Variants in PRKAB2 observed in about 807,000 individuals in gnomAD.
The protein encoded by PRKAB2 is protein kinase AMP-activated non-catalytic subunit beta 2.
A neutral mutation model predicts 29.8 loss-of-function variants in PRKAB2; 18 were observed. The ratio of observed to expected loss-of-function variants is 0.60; its 90% CI spans 0.42 to 0.89. PRKAB2 has a LOEUF of 0.89. PRKAB2 is among the 40% of genes least tolerant of loss of function. The probability of loss-of-function intolerance (pLI) is 0.00; values close to 1 mark genes in which losing one functional copy is unlikely to be tolerated. For synonymous variants in PRKAB2, 136 were observed against 125.9 expected (o/e 1.08, Z -0.54); for missense variants, 270 against 344.3 (o/e 0.78, Z 1.71).
In PRKAB2 at chr1:147,169,138, T is replaced by A. The variant is rs140662605; in HGVS notation, c.157-1205A>T. Among the ~76,000 whole-genome samples, 343 of 152,342 alleles carry A rather than the reference T, an allele frequency of 2.3e-3. 1 individual carries two copies. The highest frequency in any genetic ancestry group is 4.0e-3 in the Non-Finnish European group (269 of 68,034). On this transcript the variant is annotated intron_variant, in intron 2 of 7. Transcript: ENST00000254101. ...TTTAAGTGACTTTGGTAAATAAGAC[T>A]GTATAGTATTAAGCCTAAATATTAC...
rs782234599 is a variant in PRKAB2, at chr1:147,159,671, A to G, written c.742-29T>C. 4.4e-6 allele frequency: 7 copies of G among 1,596,658 alleles called. 1 individual carries two copies. Among genetic ancestry groups the G allele is most frequent in the South Asian group, 3.3e-5 (3 of 90,152 alleles). ...CAAGGAAAAGAAACATACGCAGCTA[A>G]TTCATTACTTCAGACAGTAGGTAGC... is the stretch of plus-strand genomic sequence containing the variant. On this transcript the variant is annotated intron_variant, in intron 7 of 7. Transcript: ENST00000254101.
intron 2 of PRKAB2, among the ~76,000 whole-genome samples, chr1:147,169,497 G>A (rs1571067301): frequency 6.6e-6 from 1 of 152,032 alleles, no homozygotes; most frequent in Non-Finnish European, 1.5e-5. Flanking sequence ...TTTTTAAAAA[G>A]CTTTCTAGAT....
Position 147,159,463 on chromosome 1 carries a change from C to A in PRKAB2, c.*102G>T. On this transcript the variant is annotated 3_prime_UTR_variant, in exon 8 of 8. Transcript: ENST00000254101. Reference sequence around the variant, plus strand: ...AGAGGCTCTGAAACACACATATCAGCCTCAAAGCAAATCAGCCTTCCAGTC... The same window carrying A: ...AGAGGCTCTGAAACACACATATCAGACTCAAAGCAAATCAGCCTTCCAGTC... 9.9e-7 allele frequency: 1 copy of A among 1,013,390 alleles called. No homozygotes were observed. 62.8% of individuals were successfully genotyped at this position (1,013,390 alleles called of 1,614,324 possible).
At position 147,158,703 on chromosome 1, in the gene PRKAB2, A is replaced by C. The variant is rs1365763962; in HGVS notation, c.*862T>G. 1.3e-5 allele frequency: 2 copies of C among 152,188 alleles called. No individual in the cohort carries two copies. The highest frequency in any genetic ancestry group is 4.8e-5 in the African/African-American group (2 of 41,434). 9.4% of individuals were successfully genotyped at this position (152,188 alleles called of 1,614,324 possible). A position where few individuals can be genotyped will look rare whatever the true frequency, so the allele number is the denominator to read the frequency against. On this transcript the variant is annotated 3_prime_UTR_variant, in exon 8 of 8. Transcript: ENST00000254101. Reference sequence around the variant, plus strand: ...GAAGCAGGGCCAGGCAAAGTGGGAAAACTTTCGGGAATTTGCCAATACAGC... The same window carrying C: ...GAAGCAGGGCCAGGCAAAGTGGGAACACTTTCGGGAATTTGCCAATACAGC...
Position 147,156,888 on chromosome 1 carries a change from T to A in PRKAB2, c.*2677A>T, listed in dbSNP as rs1230697562. 1.3e-5 allele frequency: 2 copies of A among 152,096 alleles called. No homozygotes were observed. The highest frequency in any genetic ancestry group is 4.1e-4 in the South Asian group (2 of 4,830). The allele number at this position is 152,096 out of a possible 1,614,324, so 9.4% of individuals were successfully genotyped here. ...TGATTTAATTTCTTTTTAAAAGAGA[T>A]CATTTTCAGTTGTAAGTTACTCAAC... is the stretch of plus-strand genomic sequence containing the variant. On this transcript the variant is annotated 3_prime_UTR_variant, in exon 8 of 8. Coordinates refer to ENST00000254101, the MANE Select transcript of PRKAB2 (RefSeq NM_005399.5).
Position 147,166,487 on chromosome 1 carries a change from T to C in PRKAB2, c.538+11A>G. ...AGACACAGCAAGAGAGAGTAAATAATACAAAATTACCTCTACAAGATGTCT... is the reference window on the plus strand; with the variant it reads ...AGACACAGCAAGAGAGAGTAAATAACACAAAATTACCTCTACAAGATGTCT... On this transcript the variant is annotated intron_variant, in intron 5 of 7. Transcript: ENST00000254101. 1.9e-6 allele frequency: 3 copies of C among 1,611,298 alleles called. No homozygotes were observed. The highest frequency in any genetic ancestry group is 2.2e-5 in the East Asian group (1 of 44,816).
At chr1:147,170,998 G>A (rs1553914296) in intron 2 of PRKAB2, among the ~76,000 whole-genome samples, 1 of 152,244 alleles carries the variant, frequency 6.6e-6, no homozygotes, top group East Asian at 1.9e-4. Flanking sequence ...TCCCTGGGAA[G>A]TGATGAAATG....
At position 147,172,025 on chromosome 1, in the gene PRKAB2, C is replaced by T. The variant is rs868917493; in HGVS notation, c.120G>A (p.Thr40=). ...GKEHKIMVGS[T]DDPSVFSLPD... is the part of the protein sequence containing the mutation. ...GGAGGCTGAACACGCTGGGGTCGTC[C>T]GTACTCCCCACCATGATCTTGTGCT... The change falls in exon 2 of 8, where the codon ACG becomes ACA. Residue 40 remains threonine (T), a synonymous_variant. Transcript: ENST00000254101. 1 of 1,597,738 alleles carries T rather than the reference C, an allele frequency of 6.3e-7. No individual in the cohort carries two copies. The highest frequency in any genetic ancestry group is 2.3e-5 in the East Asian group (1 of 43,632).
intron 7 of PRKAB2, 101 bp from the exon 8 acceptor site, chr1:147,159,743 T>C (rs1327085746): frequency 4.9e-6 from 5 of 1,013,440 alleles, no homozygotes; most frequent in Non-Finnish European, 1.5e-6. Context: ...TTAACAGAGA[T>C]AGTTTGATAT....
chr1:147,169,853 G>A (rs1017383258), intron 2 of PRKAB2, among the ~76,000 whole-genome samples: 1 of 152,150 alleles, frequency 6.6e-6, no homozygotes, highest in Non-Finnish European at 1.5e-5. Context: ...AAACAGGATT[G>A]AGAACCACTG....
intron 7 of PRKAB2, among the ~76,000 whole-genome samples, chr1:147,160,158 T>C (rs1050520542): frequency 7.2e-5 from 11 of 152,322 alleles, no homozygotes; most frequent in Middle Eastern, 3.4e-3. Flanking sequence ...AAACCAGGGA[T>C]GACTTCCAAA....
chr1:147,168,067 CAG>C, intron 2 of PRKAB2, 134 bp from the exon 3 acceptor site: 2 of 957,654 alleles, frequency 2.1e-6, no homozygotes, highest in Non-Finnish European at 3.0e-6. Flanking sequence ...GCAACTAAAT[CAG>C]AGTTTGAACA....
In PRKAB2 at chr1:147,167,796, A is replaced by G. The variant is rs587620943; in HGVS notation, c.294T>C (p.Asn98=). ...KEVFISGSFN[N]WSTKIPLIKS... is the part of the protein sequence containing the mutation. ...TAATCAGTGGAATCTTGGTGCTCCA[A>G]TTGTTGAAGGACCCAGAGATGAAGA... Residue 98 remains asparagine, a synonymous_variant, in exon 3 of 8, where the codon AAT becomes AAC. Coordinates refer to ENST00000254101, the MANE Select transcript of PRKAB2 (RefSeq NM_005399.5). 31 of 1,614,034 alleles carry G rather than the reference A, an allele frequency of 1.9e-5. No individual in the cohort carries two copies. In the South Asian group the frequency reaches 2.6e-4, roughly 14 times the overall value.
chr1:147,169,408 C>T (rs1654406661), intron 2 of PRKAB2, among the ~76,000 whole-genome samples: 2 of 152,306 alleles, frequency 1.3e-5, no homozygotes, highest in South Asian at 4.1e-4. Flanking sequence ...TCTTGACTAA[C>T]TGGCTGCGTT....
chr1:147,159,358 A>ATTTTT lies in PRKAB2; in HGVS notation c.*202_*206dup. ...CCATTTACCTTCTTCTCATATGTAT[A>ATTTTT]TTTTTTTTTCTTAAAATAAATTCCG... On this transcript the variant is annotated 3_prime_UTR_variant, in exon 8 of 8. Coordinates refer to ENST00000254101, the MANE Select transcript of PRKAB2 (RefSeq NM_005399.5). 3.9e-6 allele frequency: 2 copies of ATTTTT among 508,874 alleles called. No individual in the cohort carries two copies. Among genetic ancestry groups the ATTTTT allele is most frequent in the Non-Finnish European group, 7.0e-6 (2 of 286,890 alleles). 31.5% of individuals were successfully genotyped at this position (508,874 alleles called of 1,614,324 possible).
At chr1:147,163,587 A>G (rs1338579531) in intron 5 of PRKAB2, among the ~76,000 whole-genome samples, 1 of 152,230 alleles carries the variant, frequency 6.6e-6, no homozygotes, top group East Asian at 1.9e-4. Context: ...GAAAGACGCC[A>G]GTCACAAAAG....
intron 1 of PRKAB2, 122 bp downstream of exon 1, chr1:147,172,307 T>C: frequency 1.0e-6 from 1 of 996,582 alleles, no homozygotes; most frequent in South Asian, 1.8e-5. Context: ...CTCTCCCTCC[T>C]GGCCTGCGGG....
intron 3 of PRKAB2, among the ~76,000 whole-genome samples, chr1:147,167,169 G>T (rs1654291152): frequency 2.0e-5 from 3 of 152,250 alleles, no homozygotes; most frequent in South Asian, 2.1e-4. Flanking sequence ...ATCTGGAAAA[G>T]AATAATAAAA....
Position 147,161,707 on chromosome 1 carries a change from C to T in PRKAB2, c.741+5G>A. ...GCTCTGTGAAGAGCCAGGGCCACCA[C>T]TTACCTTAATGGACAATGCATAGAG... On this transcript the variant is annotated splice_donor_5th_base_variant and intron_variant, in intron 7 of 7. Transcript: ENST00000254101. 2 of 1,610,520 alleles carry T rather than the reference C, an allele frequency of 1.2e-6. No homozygotes were observed. The highest frequency in any genetic ancestry group is 2.7e-5 in the African/African-American group (2 of 74,920).
Sources: gnomAD v4.1 joint callset for allele counts (sites outside exome capture counted in the v4.1 genomes callset) on GRCh38, gnomAD v4.1.1 for gene constraint, MANE v1.5 for transcripts, NCBI Gene and HGNC (gene_info 2026-07-23, HGNC 2026-07-21) for gene names.